Variants in CTNNA3 observed in about 807,000 individuals in gnomAD.
The protein encoded by CTNNA3 is catenin alpha 3.
A neutral mutation model predicts 95.7 loss-of-function variants in CTNNA3; 76 were observed. That is an observed-to-expected ratio of 0.79 (90% CI 0.66 to 0.96). The LOEUF (loss-of-function observed/expected upper bound fraction) is 0.96, where lower values mean the gene tolerates loss of function less well. Ranked by LOEUF, CTNNA3 falls within the 40% of genes least tolerant of loss-of-function variation. CTNNA3 has a pLI of 0.00. For missense variants in CTNNA3, 1,191 were observed against 1,089.8 expected, an observed-to-expected ratio of 1.09 and a Z score of -1.31; for synonymous variants, 431 against 374.4, an observed-to-expected ratio of 1.15 and a Z score of -1.74.
At chr10:65,936,702 A>G (rs140976394) in intron 17 of CTNNA3, among the ~76,000 whole-genome samples, 111 of 152,206 alleles carry the variant, frequency 7.3e-4, no homozygotes, top group African/African-American at 2.5e-3. Context: ...CTTCAGAAGC[A>G]AATAGTCTAT....
chr10:66,855,931 T>C (rs1589338681), intron 7 of CTNNA3, among the ~76,000 whole-genome samples: 2 of 152,118 alleles, frequency 1.3e-5, no homozygotes, highest in East Asian at 3.9e-4. Context: ...CTGTTTTCAT[T>C]TTTTTAACTT....
rs1589360744 is a variant in CTNNA3 at position 67,498,292 on chromosome 10, T to C, written c.579+23550A>G. Among the ~76,000 whole-genome samples the C allele has an allele frequency of 2.0e-5, 3 of 152,230 alleles. No individual in the cohort carries two copies. The East Asian group carries it at 5.8e-4, about 29-fold the overall frequency. On this transcript the variant is annotated intron_variant, in intron 5 of 17. Transcript: ENST00000433211. ...GCCTCTGTTCTGTTCCATTGGTCTA[T>C]ATATCTGTTTTGGTACCAGTACCAT...
At chr10:67,315,199 A>G (rs1840990699) in intron 5 of CTNNA3, among the ~76,000 whole-genome samples, 3 of 152,184 alleles carry the variant, frequency 2.0e-5, no homozygotes, top group African/African-American at 7.2e-5. Flanking sequence ...CAACCTCTCT[A>G]TCACTCAGCA....
chr10:67,671,765 G>A (rs1204036638), intron 1 of CTNNA3, among the ~76,000 whole-genome samples: 1 of 151,700 alleles, frequency 6.6e-6, no homozygotes, highest in Admixed American at 6.6e-5. Flanking sequence ...ATCGTTGTTG[G>A]ACATTTGGGT....
chr10:67,447,313 A>G (rs747174483), intron 5 of CTNNA3, among the ~76,000 whole-genome samples: 7 of 152,344 alleles, frequency 4.6e-5, no homozygotes, highest in Middle Eastern at 3.4e-3. Context: ...GGCTATGTAA[A>G]AGAATGAGAT....
chr10:66,936,251 A>T (rs900140645), intron 7 of CTNNA3, among the ~76,000 whole-genome samples: 2 of 152,160 alleles, frequency 1.3e-5, no homozygotes, highest in Non-Finnish European at 2.9e-5. Flanking sequence ...AGCTAGATAT[A>T]GACGAAAAGA....
intron 7 of CTNNA3, among the ~76,000 whole-genome samples, chr10:67,064,147 T>C (rs1320576866): frequency 6.6e-6 from 1 of 152,204 alleles, no homozygotes; most frequent in Admixed American, 6.5e-5. Context: ...GTTTTTTTCA[T>C]GAATATGATA....
chr10:66,305,061 G>A lies in CTNNA3; in HGVS notation c.1733-24440C>T, dbSNP rs987268116. 2.6e-5 allele frequency among the ~76,000 whole-genome samples: 4 copies of A among 151,850 alleles called. No individual in the cohort carries two copies. The East Asian group carries it at 7.7e-4, about 29-fold the overall frequency. On this transcript the variant is annotated intron_variant, in intron 12 of 17. Transcript: ENST00000433211. ...TCTCATGCCTGCCTTTCACATGCAG[G>A]CTCATCCTCAGCCCCTCTCTAACCC...
chr10:66,695,919 G>GGA (rs1554837127), intron 9 of CTNNA3, among the ~76,000 whole-genome samples: 15 of 142,090 alleles, frequency 1.1e-4, no homozygotes, highest in Non-Finnish European at 1.7e-4. Context: ...AGACGTAAGG[G>GGA]GGGGGGGCAA....
chr10:67,745,443 G>C (rs1841369357), intron 1 of CTNNA3, among the ~76,000 whole-genome samples: 1 of 144,504 alleles, frequency 6.9e-6, no homozygotes, highest in African/African-American at 2.5e-5. Flanking sequence ...CTCACTCATA[G>C]TTGGGAATTG....
intron 7 of CTNNA3, among the ~76,000 whole-genome samples, chr10:66,965,976 A>G (rs1849390326): frequency 6.6e-6 from 1 of 152,212 alleles, no homozygotes; most frequent in African/African-American, 2.4e-5. Context: ...TGAAATTAAT[A>G]TAGCTCAGTA....
intron 3 of CTNNA3, among the ~76,000 whole-genome samples, chr10:67,554,410 C>T (rs1313736524): frequency 6.6e-6 from 1 of 152,186 alleles, no homozygotes; most frequent in East Asian, 1.9e-4. Context: ...ACATCCTCTC[C>T]AGCACCTGTT....
chr10:66,544,227 A>G (rs1435208449), intron 10 of CTNNA3, among the ~76,000 whole-genome samples: 1 of 152,006 alleles, frequency 6.6e-6, no homozygotes, highest in Non-Finnish European at 1.5e-5. Flanking sequence ...TTAGCCTCCT[A>G]GTAAATTACC....
At chr10:66,143,940 T>C (rs2083744098) in intron 13 of CTNNA3, among the ~76,000 whole-genome samples, 1 of 152,238 alleles carries the variant, frequency 6.6e-6, no homozygotes, top group South Asian at 2.1e-4. Context: ...GCTGCTTTAT[T>C]AATAACTCAA....
chr10:66,717,753 T>G (rs1848499893), intron 9 of CTNNA3, among the ~76,000 whole-genome samples: 1 of 152,116 alleles, frequency 6.6e-6, no homozygotes, highest in South Asian at 2.1e-4. Context: ...CTTTGATAGC[T>G]CTGGCTAAGG....
At chr10:66,703,571 C>T (rs545481330) in intron 9 of CTNNA3, among the ~76,000 whole-genome samples, 3 of 152,224 alleles carry the variant, frequency 2.0e-5, no homozygotes, top group African/African-American at 7.2e-5. Flanking sequence ...GTTTGTGAAA[C>T]CAATCAGAAA....
intron 12 of CTNNA3, among the ~76,000 whole-genome samples, chr10:66,354,571 T>C (rs1396860015): frequency 6.6e-6 from 1 of 152,084 alleles, no homozygotes. Context: ...TTAGAAGTAG[T>C]TGAGAATCTG....
chr10:66,587,383 T>C (rs1843395152), intron 10 of CTNNA3, among the ~76,000 whole-genome samples: 1 of 152,096 alleles, frequency 6.6e-6, no homozygotes, highest in Admixed American at 6.6e-5. Flanking sequence ...GAATTTGTGC[T>C]TGCTTTATGT....
chr10:67,175,730 C>G (rs1862210821), intron 7 of CTNNA3, among the ~76,000 whole-genome samples: 1 of 152,100 alleles, frequency 6.6e-6, no homozygotes. Flanking sequence ...TATATGTCAC[C>G]TATCTAACAC....
Sources: allele counts gnomAD v4.1 joint callset (sites outside exome capture counted in the v4.1 genomes callset), GRCh38; gene constraint gnomAD v4.1.1; transcripts MANE v1.5; gene names NCBI Gene and HGNC (gene_info 2026-07-23, HGNC 2026-07-21).